The following CTIF variants were observed in gnomAD, a reference collection of about 807,000 sequenced individuals.
CTIF encodes the protein cap binding complex dependent translation initiation factor, also known as CBP80/20-dependent translation initiation factor.
In CTIF, 21 loss-of-function variants were observed where a neutral mutation model predicts 66.0. The ratio of observed to expected loss-of-function variants is 0.32; its 90% CI spans 0.23 to 0.46. The LOEUF (loss-of-function observed/expected upper bound fraction) is 0.46. Ranked by LOEUF, CTIF falls within the 20% of genes least tolerant of loss-of-function variation. The pLI, the probability that CTIF is intolerant of heterozygous loss-of-function variation, is 1.00. For missense variants in CTIF, 739 were observed against 812.7 expected (o/e 0.91, Z 1.10); for synonymous variants, 345 against 326.4 (o/e 1.06, Z -0.62).
intron 1 of CTIF, among the ~76,000 whole-genome samples, chr18:48,607,425 T>A (rs1398454283): frequency 1.3e-5 from 2 of 152,214 alleles, no homozygotes; most frequent in African/African-American, 4.8e-5. Context: ...TGGGTCCACT[T>A]GTAATGTGCC....
intron 9 of CTIF, 113 bp from the exon 10 acceptor site, chr18:48,817,108 T>G (rs2146326116): frequency 9.4e-7 from 1 of 1,062,382 alleles, no homozygotes; most frequent in South Asian, 1.6e-5. Flanking sequence ...AAACATGGGG[T>G]TTGCCTGCTG....
At chr18:48,545,779 C>T (rs565538439) in intron 1 of CTIF, among the ~76,000 whole-genome samples, 22 of 152,124 alleles carry the variant, frequency 1.4e-4, no homozygotes, top group Non-Finnish European at 2.6e-4. Flanking sequence ...GCCCTGGGAG[C>T]GGGGAAGCAT....
intron 5 of CTIF, among the ~76,000 whole-genome samples, chr18:48,666,345 C>T (rs1301816838): frequency 6.6e-6 from 1 of 152,136 alleles, no homozygotes; most frequent in Non-Finnish European, 1.5e-5. Flanking sequence ...GTGTAATGAG[C>T]AACAACCCGT....
intron 3 of CTIF, among the ~76,000 whole-genome samples, chr18:48,652,244 A>G (rs556765759): frequency 2.0e-5 from 3 of 152,338 alleles, no homozygotes; most frequent in African/African-American, 7.2e-5. Context: ...TAGCAAGACT[A>G]ATAAAGAAGA....
At chr18:48,774,751 C>A (rs1043398083) in intron 9 of CTIF, among the ~76,000 whole-genome samples, 7 of 152,278 alleles carry the variant, frequency 4.6e-5, no homozygotes, top group Non-Finnish European at 1.0e-4. Flanking sequence ...CCATGTCATG[C>A]CCCTGCCTCC....
intron 8 of CTIF, 92 bp downstream of exon 8, chr18:48,758,497 T>C: frequency 6.8e-7 from 1 of 1,467,362 alleles, no homozygotes; most frequent in Non-Finnish European, 9.1e-7. Flanking sequence ...CAGAGCCTTG[T>C]GGGTTTGAGG....
chr18:48,603,499 G>GTGGGTGGATGGATGGA (rs1568065430), intron 1 of CTIF, among the ~76,000 whole-genome samples: 1 of 113,052 alleles, frequency 8.8e-6, no homozygotes, highest in African/African-American at 3.6e-5. Context: ...GGGTGGGTGG[G>GTGGGTGGATGGATGGA]TGGATGGATG....
At position 48,539,217 on chromosome 18, in the gene CTIF, G is replaced by T. The variant is rs1338894722; in HGVS notation, c.-124G>T. The T allele has an allele frequency of 6.6e-6, 1 of 151,570 alleles. No individual in the cohort carries two copies. Among genetic ancestry groups the T allele is most frequent in the Non-Finnish European group, 1.5e-5 (1 of 67,992 alleles). The allele number at this position is 151,570 out of a possible 1,614,324, so 9.4% of individuals were successfully genotyped here. A position where few individuals can be genotyped will look rare whatever the true frequency, so the allele number is the denominator to read the frequency against. On this transcript the variant is annotated 5_prime_UTR_variant, in exon 1 of 12. Coordinates refer to ENST00000256413, the MANE Select transcript of CTIF (RefSeq NM_014772.3). ...GGGACGCTCCGAACTCGAGGCAGGA[G>T]TCGGCTCTCCGGAGCCTCGTCCCTC...
chr18:48,760,726 G>A (rs1480537305), intron 8 of CTIF: 2 of 152,238 alleles, frequency 1.3e-5, no homozygotes, highest in Non-Finnish European at 2.9e-5. Flanking sequence ...TCATAAGGCT[G>A]TAGGGCTTTT....
chr18:48,857,743 C>T, intron 11 of CTIF, 102 bp downstream of exon 11: 1 of 1,100,618 alleles, frequency 9.1e-7, no homozygotes, highest in South Asian at 1.7e-5. Flanking sequence ...TTTACAAGTC[C>T]AGGGGAAGGT....
chr18:48,724,904 G>A (rs1353190872), intron 7 of CTIF, among the ~76,000 whole-genome samples: 1 of 152,258 alleles, frequency 6.6e-6, no homozygotes, highest in Non-Finnish European at 1.5e-5. Flanking sequence ...CTGCCCTTGT[G>A]TTGGCTTTGA....
chr18:48,762,922 G>A (rs1359711224), intron 9 of CTIF, among the ~76,000 whole-genome samples: 1 of 152,194 alleles, frequency 6.6e-6, no homozygotes, highest in Non-Finnish European at 1.5e-5. Flanking sequence ...TGCACTCACT[G>A]CAACATGAGC....
intron 9 of CTIF, among the ~76,000 whole-genome samples, chr18:48,813,409 CTGCTCCTTTA>C (rs1371139883): frequency 6.6e-6 from 1 of 152,248 alleles, no homozygotes; most frequent in Non-Finnish European, 1.5e-5. Context: ...TTTCACGACA[CTGCTCCTTTA>C]TTCTGCCAGG....
chr18:48,731,979 C>T (rs985753617), intron 7 of CTIF, among the ~76,000 whole-genome samples: 3 of 152,234 alleles, frequency 2.0e-5, no homozygotes, highest in Non-Finnish European at 4.4e-5. Context: ...AACTCTGTTT[C>T]CATAACCAGA....
chr18:48,559,820 G>A (rs752205420), intron 1 of CTIF, among the ~76,000 whole-genome samples: 5 of 152,026 alleles, frequency 3.3e-5, no homozygotes, highest in Non-Finnish European at 7.4e-5. Context: ...GTGAGAGGCG[G>A]GTGAAGATCA....
intron 6 of CTIF, among the ~76,000 whole-genome samples, chr18:48,675,842 G>C (rs1318459815): frequency 6.6e-6 from 1 of 152,216 alleles, no homozygotes; most frequent in Admixed American, 6.5e-5. Context: ...ATGGGGGCTG[G>C]CTAAGTGGGG....
At chr18:48,831,604 A>G (rs2068693343) in intron 10 of CTIF, among the ~76,000 whole-genome samples, 1 of 152,246 alleles carries the variant, frequency 6.6e-6, no homozygotes, top group Admixed American at 6.5e-5. Context: ...AAGATGACGG[A>G]AACCTTGACA....
chr18:48,794,889 A>T (rs1258740883), intron 9 of CTIF, among the ~76,000 whole-genome samples: 1 of 151,742 alleles, frequency 6.6e-6, no homozygotes, highest in African/African-American at 2.4e-5. Context: ...GGAGGGAGGG[A>T]TGTGTGTGTG....
In CTIF at chr18:48,795,676, T is replaced by A. The variant is rs111854718; in HGVS notation, c.1372-21545T>A. Among the ~76,000 whole-genome samples, 1,217 of 152,358 alleles carry A rather than the reference T, an allele frequency of 8.0e-3. 7 individuals are homozygous for A. Among genetic ancestry groups the A allele is most frequent in the Middle Eastern group, 0.037 (11 of 294 alleles). ...ATAGAACTAGTCCTCCTTCCTCTGG[T>A]TCCCCAGAATCAAGTTCAACACTTG... On this transcript the variant is annotated intron_variant, in intron 9 of 11. Coordinates refer to ENST00000256413, the MANE Select transcript of CTIF (RefSeq NM_014772.3).
Sources: allele counts gnomAD v4.1 joint callset (sites outside exome capture counted in the v4.1 genomes callset), GRCh38; gene constraint gnomAD v4.1.1; transcripts MANE v1.5; gene names NCBI Gene and HGNC (gene_info 2026-07-23, HGNC 2026-07-21).